Variants in DZIP1 observed in about 807,000 individuals in gnomAD.
DZIP1 encodes cilium assembly protein DZIP1.
A neutral mutation model predicts 107.6 loss-of-function variants in DZIP1; 97 were observed. The ratio of observed to expected loss-of-function variants is 0.90; its 90% confidence interval spans 0.77 to 1.07. The LOEUF (loss-of-function observed/expected upper bound fraction) is 1.07. Among genes scored for constraint, DZIP1 ranks in the 50% least tolerant of loss-of-function variants. The pLI is 0.00. For synonymous variants in DZIP1, 390 were observed against 386.4 expected (o/e 1.01, Z -0.11); for missense variants, 1,035 against 1,063.6 (o/e 0.97, Z 0.37).
At chr13:95,610,055 AGTGTGTGTGTGT>A (rs58398816) in intron 12 of DZIP1, among the ~76,000 whole-genome samples, 3,797 of 109,318 alleles carry the variant, frequency 0.035, 205 homozygotes, top group African/African-American at 0.1. Context: ...TGACTGGTTT[AGTGTGTGTGTGT>A]GTGTGTGTGT....
chr13:95,622,274 A>T, intron 9 of DZIP1, 69 bp downstream of exon 9: 1 of 1,596,662 alleles, frequency 6.3e-7, no homozygotes. Context: ...TGCAGATGAC[A>T]CTCACTGTAA....
At chr13:95,607,987 T>C (rs74109014) in intron 13 of DZIP1, among the ~76,000 whole-genome samples, 2,748 of 152,324 alleles carry the variant, frequency 0.018, 79 homozygotes, top group African/African-American at 0.062. Context: ...TTTCACCTTG[T>C]GATTTACTTT....
rs757161027 is a variant in DZIP1, at chr13:95,580,104, G to C, written c.*2130C>G. On this transcript the variant is annotated 3_prime_UTR_variant, in exon 23 of 23. Coordinates refer to ENST00000376829, the MANE Select transcript of DZIP1 (RefSeq NM_198968.4). ...TAATCCCAGCACTTTGGGAGGACAA[G>C]ACAGCGGATCATTTGAGGTCAGGAG... 1.3e-5 allele frequency: 2 copies of C among 152,228 alleles called. No homozygotes were observed. The highest frequency in any genetic ancestry group is 6.5e-5 in the Admixed American group (1 of 15,278). 9.4% of individuals were successfully genotyped at this position (152,228 alleles called of 1,614,324 possible). A position where few individuals can be genotyped will look rare whatever the true frequency, so the allele number is the denominator to read the frequency against.
intron 14 of DZIP1, among the ~76,000 whole-genome samples, chr13:95,604,678 T>C (rs988457847): frequency 6.6e-6 from 1 of 151,926 alleles, no homozygotes; most frequent in Non-Finnish European, 1.5e-5. Context: ...GCAACAAAAA[T>C]ATATGACAAA....
intron 8 of DZIP1, among the ~76,000 whole-genome samples, chr13:95,623,464 T>C (rs2139281429): frequency 6.6e-6 from 1 of 152,268 alleles, no homozygotes; most frequent in Middle Eastern, 3.4e-3. Flanking sequence ...TGCAGATTCG[T>C]AACACAAAGT....
At chr13:95,643,891 G>T (rs1237653961) in intron 1 of DZIP1, among the ~76,000 whole-genome samples, 193 bp from the exon 2 acceptor site, 1 of 152,208 alleles carries the variant, frequency 6.6e-6, no homozygotes, top group South Asian at 2.1e-4. Flanking sequence ...AGAGCTGAAC[G>T]TGGGGGTGGC....
At chr13:95,637,359 C>T (rs528209778) in intron 5 of DZIP1, among the ~76,000 whole-genome samples, 28 of 152,088 alleles carry the variant, frequency 1.8e-4, no homozygotes, top group African/African-American at 6.5e-4. Context: ...GGAGAGAAGC[C>T]CTGACTCCAA....
Position 95,641,312 on chromosome 13 carries a change from T to G in DZIP1, c.580A>C (p.Lys194Gln). ...CTGCCCACCTGGTAATAGTTGGCTT[T>G]GGCCTCGATCATCAGCTGCTGGGTG... ...ISTQQLMIEA[K>Q]ANYYQCHFCD... Residue 194 changes from lysine (K) to glutamine (Q), a missense_variant, in exon 5 of 23, where the codon AAA becomes CAA. Physicochemically the swap from Lys to Gln is moderately conservative, Grantham distance 53. Coordinates refer to ENST00000376829, the MANE Select transcript of DZIP1 (RefSeq NM_198968.4). This position sits in a 1 kb window ranked among gnomAD's most constrained non-coding sequence, Gnocchi z 4.3. 6.3e-7 allele frequency: 1 copy of G among 1,591,574 alleles called. No homozygotes were observed. The highest frequency in any genetic ancestry group is 1.1e-5 in the South Asian group (1 of 89,310).
intron 5 of DZIP1, among the ~76,000 whole-genome samples, chr13:95,634,283 T>C (rs1256848988): frequency 2.0e-5 from 3 of 152,246 alleles, no homozygotes; most frequent in Non-Finnish European, 2.9e-5. Context: ...CAGCATGTCC[T>C]CAACAAAATC....
chr13:95,613,642 C>A (rs1176585260), intron 10 of DZIP1, among the ~76,000 whole-genome samples: 12 of 152,098 alleles, frequency 7.9e-5, no homozygotes, highest in Admixed American at 7.2e-4. Context: ...ATAAGGGCAC[C>A]TAGACCAGCA....
intron 11 of DZIP1, among the ~76,000 whole-genome samples, 168 bp from the exon 12 acceptor site, chr13:95,611,661 C>T (rs565380759): frequency 7.4e-4 from 113 of 152,254 alleles, no homozygotes; most frequent in Non-Finnish European, 1.3e-3. Flanking sequence ...ATTACCCAAA[C>T]CTCACCATCA....
intron 10 of DZIP1, among the ~76,000 whole-genome samples, chr13:95,617,667 A>T (rs985774026): frequency 6.7e-6 from 1 of 149,984 alleles, no homozygotes; most frequent in Admixed American, 6.6e-5. Context: ...TCATAGCTGG[A>T]AAGAGGAGGT....
chr13:95,615,701 G>T (rs1483309129), intron 10 of DZIP1, among the ~76,000 whole-genome samples: 1 of 152,164 alleles, frequency 6.6e-6, no homozygotes, highest in Admixed American at 6.5e-5. Context: ...TTCCTTCCCG[G>T]CTGGGAGCTT....
In DZIP1 at chr13:95,579,482, C is replaced by T. The variant is rs2043984823; in HGVS notation, c.*2752G>A. Reference sequence around the variant, plus strand: ...CAGAAAAAGAAATGAAAACAGAGAGCTTAAATAATTTGCCACAGTAATGTC... The same window carrying T: ...CAGAAAAAGAAATGAAAACAGAGAGTTTAAATAATTTGCCACAGTAATGTC... On this transcript the variant is annotated 3_prime_UTR_variant, in exon 23 of 23. Coordinates refer to ENST00000376829, the MANE Select transcript of DZIP1 (RefSeq NM_198968.4). 1 of 152,166 alleles carries T rather than the reference C, an allele frequency of 6.6e-6. No homozygotes were observed. The highest frequency in any genetic ancestry group is 1.5e-5 in the Non-Finnish European group (1 of 68,038). 9.4% of individuals were successfully genotyped at this position (152,166 alleles called of 1,614,324 possible).
intron 9 of DZIP1, among the ~76,000 whole-genome samples, chr13:95,621,743 G>A (rs1875890929): frequency 6.7e-6 from 1 of 149,134 alleles, no homozygotes; most frequent in South Asian, 2.1e-4. Context: ...TTGAGACTGA[G>A]TATCACTCTT....
chr13:95,600,208 G>A (rs1210988081), intron 14 of DZIP1, among the ~76,000 whole-genome samples: 3 of 152,206 alleles, frequency 2.0e-5, no homozygotes, highest in African/African-American at 4.8e-5. Flanking sequence ...CAGGTTTTAG[G>A]TGAAGGTTTA....
At chr13:95,588,432 A>G (rs2044222282) in intron 19 of DZIP1, among the ~76,000 whole-genome samples, 1 of 152,226 alleles carries the variant, frequency 6.6e-6, no homozygotes, top group Non-Finnish European at 1.5e-5. Context: ...TAAGGCAATG[A>G]TGATTAAATT....
intron 22 of DZIP1, chr13:95,584,455 G>T: frequency 2.5e-6 from 1 of 401,288 alleles, no homozygotes; most frequent in Non-Finnish European, 3.4e-6. Context: ...ATGATGGCCT[G>T]GGTGACAATA....
rs779290145 is a variant in DZIP1, at chr13:95,584,786, T to C, written c.2474A>G (p.His825Arg). 1.5e-5 allele frequency: 24 copies of C among 1,614,062 alleles called. No individual in the cohort carries two copies. Among genetic ancestry groups the C allele is most frequent in the Admixed American group, 3.3e-5 (2 of 60,006 alleles). ...PPAKNEPHFA[H>R]VLNAWGAFNP... ...AAATGCGCCCCAGGCATTTAGCACA[T>C]GAGCAAAATGTGGTTCATTTTTCGC... Residue 825 changes from histidine (H) to arginine (R), a missense_variant, in exon 22 of 23, where the codon CAT (histidine) becomes CGT (arginine). By Grantham distance (29) the His-to-Arg change is conservative. Coordinates refer to ENST00000376829, the MANE Select transcript of DZIP1 (RefSeq NM_198968.4).
Sources: allele counts gnomAD v4.1 joint callset (sites outside exome capture counted in the v4.1 genomes callset), GRCh38; gene constraint gnomAD v4.1.1; non-coding constraint Gnocchi (gnomAD v3.1); transcripts MANE v1.5; gene names NCBI Gene and HGNC (gene_info 2026-07-23, HGNC 2026-07-21).